Variants in FBXO36 observed in about 807,000 individuals in gnomAD.
FBXO36 encodes F-box only protein 36.
A neutral mutation model predicts 17.0 loss-of-function variants in FBXO36; 18 were observed. The observed-to-expected ratio is 1.06, with a 90% confidence interval of 0.73 to 1.57. The LOEUF is 1.57. Among genes scored for constraint, FBXO36 ranks in the 40% most tolerant of loss-of-function variants. The probability of loss-of-function intolerance (pLI) is 0.00; values close to 1 mark genes in which losing one functional copy is unlikely to be tolerated. For synonymous variants in FBXO36, 83 were observed against 85.3 expected, an observed-to-expected ratio of 0.97 and a Z score of 0.15; for missense variants, 229 against 221.9, an observed-to-expected ratio of 1.03 and a Z score of -0.20.
At chr2:229,928,453 G>A (rs1201509295) in intron 1 of FBXO36, among the ~76,000 whole-genome samples, 1 of 152,118 alleles carries the variant, frequency 6.6e-6, no homozygotes, top group African/African-American at 2.4e-5. Flanking sequence ...TCTACCATGA[G>A]CATTTATTTT....
At chr2:230,010,389 G>A (rs936807871) in intron 3 of FBXO36, among the ~76,000 whole-genome samples, 4 of 152,240 alleles carry the variant, frequency 2.6e-5, no homozygotes, top group Non-Finnish European at 4.4e-5. Context: ...GTGGGGTGGG[G>A]GTGAAGGTGG....
intron 1 of FBXO36, among the ~76,000 whole-genome samples, chr2:229,934,787 T>C (rs760305785): frequency 6.6e-6 from 1 of 152,182 alleles, no homozygotes; most frequent in Non-Finnish European, 1.5e-5. Context: ...CCCAAGTAGC[T>C]GGGATTACAG....
intron 1 of FBXO36, among the ~76,000 whole-genome samples, chr2:229,936,011 A>G (rs2076961847): frequency 6.6e-6 from 1 of 152,152 alleles, no homozygotes; most frequent in Non-Finnish European, 1.5e-5. Flanking sequence ...AACATGGCAA[A>G]ACCCCGTCTC....
At chr2:229,954,163 C>A (rs2077071721) in intron 1 of FBXO36, among the ~76,000 whole-genome samples, 1 of 149,988 alleles carries the variant, frequency 6.7e-6, no homozygotes, top group South Asian at 2.1e-4. Context: ...CACACTCAAC[C>A]TTATTTAATT....
chr2:229,981,717 AGAAAG>A (rs145307842), intron 2 of FBXO36, among the ~76,000 whole-genome samples: 34,849 of 139,360 alleles, frequency 0.25, 5,585 homozygotes, highest in Middle Eastern at 0.42. Context: ...AAAAAAAAAA[AGAAAG>A]AAAGAAAAAG....
chr2:229,963,449 T>C (rs879615057), intron 1 of FBXO36, among the ~76,000 whole-genome samples: 3 of 146,268 alleles, frequency 2.1e-5, no homozygotes, highest in Admixed American at 6.8e-5. Context: ...TTTTTCTTTT[T>C]TTTTTTTTTT....
rs549001142 is a variant in FBXO36, at chr2:229,922,893, C to T, written c.96+284C>T. Among the ~76,000 whole-genome samples, 25 of 152,320 alleles carry T rather than the reference C, an allele frequency of 1.6e-4. No homozygotes were observed. The South Asian group carries it at 4.4e-3, about 27-fold the overall frequency. ...CCCCGGCTTCTTACCCGTAGAGTTT[C>T]CTCCGCGCGAAGAGGAAAACGGGCG... On this transcript the variant is annotated intron_variant, in intron 1 of 3. Coordinates refer to ENST00000283946, the MANE Select transcript of FBXO36 (RefSeq NM_174899.5).
At chr2:229,954,853 G>C (rs1415975299) in intron 1 of FBXO36, among the ~76,000 whole-genome samples, 1 of 146,918 alleles carries the variant, frequency 6.8e-6, no homozygotes, top group African/African-American at 2.5e-5. Context: ...GGCGTTTTTT[G>C]TTTGTTTTTT....
intron 3 of FBXO36, among the ~76,000 whole-genome samples, chr2:230,008,252 C>G (rs1458824612): frequency 5.3e-5 from 8 of 152,192 alleles, no homozygotes; most frequent in Admixed American, 3.3e-4. Context: ...CTTCTCTTCT[C>G]TCAGCCCTGG....
chr2:229,937,792 CAGAA>C (rs1328103436), intron 1 of FBXO36: 1 of 152,270 alleles, frequency 6.6e-6, no homozygotes, highest in East Asian at 1.9e-4. Flanking sequence ...TAAGCAGACT[CAGAA>C]GGGAAAGGGT....
intron 1 of FBXO36, among the ~76,000 whole-genome samples, chr2:229,925,140 G>A (rs1213963316): frequency 6.6e-6 from 1 of 150,736 alleles, no homozygotes; most frequent in African/African-American, 2.4e-5. Flanking sequence ...TTTTTTGCAA[G>A]TGAAAAACTC....
chr2:229,923,972 T>C (rs954659551), intron 1 of FBXO36, among the ~76,000 whole-genome samples: 5 of 150,892 alleles, frequency 3.3e-5, no homozygotes, highest in Non-Finnish European at 5.9e-5. Context: ...TCTCGATCTC[T>C]TGATCTCGTG....
intron 1 of FBXO36, among the ~76,000 whole-genome samples, chr2:229,941,952 G>T (rs958827754): frequency 2.6e-5 from 4 of 152,026 alleles, no homozygotes; most frequent in African/African-American, 9.7e-5. Context: ...GGAGGCGGAG[G>T]TTGCAGTCAG....
At chr2:229,954,777 G>A (rs2077077563) in intron 1 of FBXO36, among the ~76,000 whole-genome samples, 1 of 149,120 alleles carries the variant, frequency 6.7e-6, no homozygotes, top group Non-Finnish European at 1.5e-5. Flanking sequence ...TCAATCTCCT[G>A]ACCTCGTGAT....
chr2:230,001,088 G>A (rs2077356100), intron 3 of FBXO36, among the ~76,000 whole-genome samples: 1 of 151,576 alleles, frequency 6.6e-6, no homozygotes, highest in Admixed American at 6.6e-5. Flanking sequence ...TGAACTCCTG[G>A]CCTCAAGTGA....
At chr2:229,981,905 G>A (rs1019776218) in intron 2 of FBXO36, among the ~76,000 whole-genome samples, 1 of 152,128 alleles carries the variant, frequency 6.6e-6, no homozygotes, top group Non-Finnish European at 1.5e-5. Flanking sequence ...TTTTGGGGAG[G>A]CCCCAAGAAG....
chr2:229,958,175 T>A lies in FBXO36; in HGVS notation c.97-18066T>A, dbSNP rs72993007. Reference sequence around the variant, plus strand: ...GTACTAATGCAAATTAAAAAAAAAATTTTTTTTAAAAACTTCACTTCCATC... The same window carrying A: ...GTACTAATGCAAATTAAAAAAAAAAATTTTTTTAAAAACTTCACTTCCATC... On this transcript the variant is annotated intron_variant, in intron 1 of 3. Coordinates refer to ENST00000283946, the MANE Select transcript of FBXO36 (RefSeq NM_174899.5). Among the ~76,000 whole-genome samples, 940 of 150,150 alleles carry A rather than the reference T, an allele frequency of 6.3e-3. 6 individuals carry two copies. The highest frequency in any genetic ancestry group is 9.4e-3 in the Non-Finnish European group (635 of 67,408).
At chr2:229,981,726 G>T (rs909887526) in intron 2 of FBXO36, among the ~76,000 whole-genome samples, 1 of 145,206 alleles carries the variant, frequency 6.9e-6, no homozygotes. Context: ...AAGAAAGAAA[G>T]AAAAAGGAAA....
chr2:230,009,184 AG>A (rs1035056694), intron 3 of FBXO36, among the ~76,000 whole-genome samples: 31 of 152,086 alleles, frequency 2.0e-4, no homozygotes, highest in Non-Finnish European at 4.3e-4. Flanking sequence ...GTCAGGACAC[AG>A]GGGGGCACAG....
Sources: gnomAD v4.1 joint callset for allele counts (sites outside exome capture counted in the v4.1 genomes callset) on GRCh38, gnomAD v4.1.1 for gene constraint, MANE v1.5 for transcripts, NCBI Gene and HGNC (gene_info 2026-07-23, HGNC 2026-07-21) for gene names.